The following PER2 variants were observed in gnomAD, a reference collection of about 807,000 sequenced individuals.
The protein encoded by PER2 is period circadian regulator 2, also known as period circadian protein homolog 2.
In PER2, 66 loss-of-function variants were observed where a neutral mutation model predicts 121.0. The ratio of observed to expected loss-of-function variants is 0.55; its 90% CI spans 0.45 to 0.67. The LOEUF (loss-of-function observed/expected upper bound fraction) is 0.67. Ranked by LOEUF, PER2 falls within the 30% of genes least tolerant of loss-of-function variation. PER2 has a pLI of 0.00. For missense variants in PER2, 1,521 were observed against 1,635.0 expected (o/e 0.93, Z 1.20); for synonymous variants, 684 against 659.9 (o/e 1.04, Z -0.56).
chr2:238,251,906 T>C, intron 19 of PER2, 145 bp from the exon 20 acceptor site: 1 of 740,344 alleles, frequency 1.4e-6, no homozygotes, highest in Non-Finnish European at 2.4e-6. Context: ...AGGGACGGCC[T>C]AACGAGCAGA....
rs906515017 is a variant in PER2, at chr2:238,252,222, A to T, written c.3112-461T>A. Among the ~76,000 whole-genome samples, 21 of 152,194 alleles carry T rather than the reference A, an allele frequency of 1.4e-4. No individual in the cohort carries two copies. The highest frequency in any genetic ancestry group is 4.8e-4 in the African/African-American group (20 of 41,450). ...ACTGCAGGCCCAGGACTCCAGAAGCAGGAGCCCGGAGGTGGCAGGAGGACT... is the reference window on the plus strand; with the variant it reads ...ACTGCAGGCCCAGGACTCCAGAAGCTGGAGCCCGGAGGTGGCAGGAGGACT... On this transcript the variant is annotated intron_variant, in intron 19 of 22. Coordinates refer to ENST00000254657, the MANE Select transcript of PER2 (RefSeq NM_022817.3). This position sits in a 1 kb window ranked among gnomAD's most constrained non-coding sequence, Gnocchi z 4.2.
Position 238,255,894 on chromosome 2 carries a change from C to T in PER2, c.2083G>A (p.Ala695Thr), listed in dbSNP as rs747316646. The stretch of plus-strand genomic sequence containing the variant: ...CAGTCCAGGGATTCTGGCCCACTCG[C>T]AGCATCTTCCACCATCTCTGTAACA... ...QPELEMVEDA[A>T]SGPESLDCLA... Residue 695 changes from alanine to threonine, a missense_variant, in exon 18 of 23, where the codon GCG becomes ACG. Physicochemically the swap from Ala to Thr is moderately conservative, Grantham distance 58. Transcript: ENST00000254657. The T allele has an allele frequency of 1.2e-6, 2 of 1,614,256 alleles. No homozygotes were observed. Among genetic ancestry groups the T allele is most frequent in the African/African-American group, 1.3e-5 (1 of 75,072 alleles).
intron 21 of PER2, among the ~76,000 whole-genome samples, chr2:238,250,157 C>T (rs1695559607): frequency 6.6e-6 from 1 of 152,268 alleles, no homozygotes; most frequent in Non-Finnish European, 1.5e-5. Flanking sequence ...TACCTTGACA[C>T]TTGGTTCCTT....
intron 6 of PER2, 59 bp from the exon 7 acceptor site, chr2:238,269,033 A>C: frequency 6.2e-6 from 8 of 1,284,798 alleles, no homozygotes; most frequent in East Asian, 2.3e-5. Context: ...AGTGTTCCTC[A>C]TTTCTCACAA....
chr2:238,255,660 G>A lies in PER2; in HGVS notation c.2317C>T (p.Arg773Ter), dbSNP rs758381889. 11 of 1,614,060 alleles carry A rather than the reference G, an allele frequency of 6.8e-6. No individual in the cohort carries two copies. Among genetic ancestry groups the A allele is most frequent in the East Asian group, 2.2e-5 (1 of 44,898 alleles). The change falls in exon 18 of 23, where the codon CGA becomes TGA. Residue 773 changes from arginine (R) to a stop codon, truncating the protein, a stop_gained. Transcript: ENST00000254657. LOFTEE classifies it high-confidence loss of function. ...TTTTAATTCGGGTATCACTTACTTC[G>A]TTCACTTGGCTGCCCCTTGGATCTT... ...QERSKGQPSERTAPGLRNTSG... is the reference protein window; with the variant it reads ...QERSKGQPSE
intron 18 of PER2, chr2:238,255,278 T>C (rs1695725900): frequency 8.9e-6 from 3 of 338,818 alleles, no homozygotes; most frequent in Non-Finnish European, 1.7e-5. Flanking sequence ...TCCTTCCTCA[T>C]GTGCCCAGCA....
intron 8 of PER2, among the ~76,000 whole-genome samples, chr2:238,266,366 C>T (rs974339783): frequency 3.3e-5 from 5 of 151,900 alleles, no homozygotes; most frequent in African/African-American, 7.3e-5. Context: ...AAGAGATCCT[C>T]CTACCTCAGC....
At position 238,275,820 on chromosome 2, in the gene PER2, G is replaced by T. The variant is rs1485612856; in HGVS notation, c.371C>A (p.Ala124Glu). 6.2e-7 allele frequency: 1 copy of T among 1,614,084 alleles called. No homozygotes were observed. Among genetic ancestry groups the T allele is most frequent in the South Asian group, 1.1e-5 (1 of 91,090 alleles). ...TLKELKVHLP[A>E]DKKAKGKAST... The stretch of plus-strand genomic sequence containing the variant: ...GGCCTTGCCCTTGGCCTTCTTGTCT[G>T]CAGGGAGGTGGACCTTCAGCTCCTT... The change falls in exon 4 of 23, where the codon GCA (alanine) becomes GAA (glutamate). Residue 124 changes from alanine to glutamate, a missense_variant. Coordinates refer to ENST00000254657, the MANE Select transcript of PER2 (RefSeq NM_022817.3).
At chr2:238,266,609 G>A (rs900793731) in intron 8 of PER2, among the ~76,000 whole-genome samples, 6 of 152,168 alleles carry the variant, frequency 3.9e-5, no homozygotes, top group Non-Finnish European at 7.4e-5. Flanking sequence ...GGTAATTTGG[G>A]GGAATAACTT....
At chr2:238,267,049 TAAA>T (rs57177821) in intron 8 of PER2, among the ~76,000 whole-genome samples, 3 of 104,550 alleles carry the variant, frequency 2.9e-5, no homozygotes. Flanking sequence ...CTCCATCTCT[TAAA>T]AAAAAAAAAA....
chr2:238,249,089 G>A lies in PER2; in HGVS notation c.3591C>T (p.Gly1197=), dbSNP rs751751976. The A allele has an allele frequency of 7.4e-6, 12 of 1,614,018 alleles. No homozygotes were observed. The highest frequency in any genetic ancestry group is 1.6e-4 in the Middle Eastern group (1 of 6,080). Residue 1197 remains glycine (G), a synonymous_variant, in exon 22 of 23, where the codon GGC becomes GGT. Transcript: ENST00000254657. ...CCACGTCGATGGCTGCGGGCAGGCC[G>A]CCCGTCTGCATCCACTGGTGGACCT... is the stretch of plus-strand genomic sequence containing the variant. The part of the protein sequence containing the change: ...LREVHQWMQT[G]GLPAAIDVAE...
At chr2:238,255,579 T>C in intron 18 of PER2, 78 bp downstream of exon 18, 1 of 1,434,088 alleles carries the variant, frequency 7.0e-7, no homozygotes, top group Non-Finnish European at 9.8e-7. Context: ...ACATTTCACA[T>C]TTTGAAACCA....
chr2:238,257,040 C>T lies in PER2; in HGVS notation c.1947G>A (p.Thr649=), dbSNP rs370871467. ...CCGGCAGTGCCAGCGAGGTCAGGTGCGTACCTACTCCCGTGCGGCTGTTCA... is the reference window on the plus strand; with the variant it reads ...CCGGCAGTGCCAGCGAGGTCAGGTGTGTACCTACTCCCGTGCGGCTGTTCA... ...SRVNSRTGVG[T]HLTSLALPGK... is the part of the protein sequence containing the mutation. The change falls in exon 17 of 23, where the codon ACG becomes ACA. Residue 649 remains threonine (T), a synonymous_variant. Transcript: ENST00000254657. 23 of 1,613,236 alleles carry T rather than the reference C, an allele frequency of 1.4e-5. No homozygotes were observed. The highest frequency in any genetic ancestry group is 1.7e-5 in the Admixed American group (1 of 59,992).
chr2:238,269,041 C>T, intron 6 of PER2, 67 bp from the exon 7 acceptor site: 1 of 1,235,834 alleles, frequency 8.1e-7, no homozygotes, highest in Non-Finnish European at 1.2e-6. Flanking sequence ...TCATTTCTCA[C>T]AAACAAAAGA....
intron 16 of PER2, 73 bp downstream of exon 16, chr2:238,258,203 A>T: frequency 6.6e-7 from 1 of 1,514,380 alleles, no homozygotes; most frequent in Non-Finnish European, 9.2e-7. Flanking sequence ...CACAGAAGCC[A>T]TGGGGACGTC....
intron 12 of PER2, among the ~76,000 whole-genome samples, chr2:238,261,251 A>C (rs1283804895): frequency 1.3e-5 from 2 of 152,254 alleles, no homozygotes; most frequent in African/African-American, 4.8e-5. Context: ...GGATGGGTTT[A>C]AAACAAACAA....
chr2:238,258,726 C>T, intron 14 of PER2, 82 bp from the exon 15 acceptor site: 1 of 1,401,844 alleles, frequency 7.1e-7, no homozygotes, highest in Non-Finnish European at 1.0e-6. Context: ...TTTCGTTCTA[C>T]CTGAAGACAG....
intron 19 of PER2, 141 bp from the exon 20 acceptor site, chr2:238,251,902 G>A (rs1271416349): frequency 2.5e-5 from 19 of 752,176 alleles, no homozygotes; most frequent in Non-Finnish European, 3.5e-5. Flanking sequence ...GGCCAGGGAC[G>A]GCCTAACGAG....
rs958744582 is a variant in PER2 at position 238,271,449 on chromosome 2, G to A, written c.635C>T (p.Ala212Val). Residue 212 changes from alanine (A) to valine (V), a missense_variant, in exon 6 of 23, where the codon GCA becomes GTA. Ala to Val is a moderately conservative substitution (Grantham distance 64, BLOSUM62 0). Transcript: ENST00000254657. ...GKILYISDQV[A>V]SIFHCKRDAF... ...ATCTCTTTTACAGTGAAATATGGAT[G>A]CAACCTGGTCAGAGATGTACAGGAT... 6 of 1,613,844 alleles carry A rather than the reference G, an allele frequency of 3.7e-6. No homozygotes were observed. The African/African-American group carries it at 6.7e-5, about 18-fold the overall frequency.
Sources: gnomAD v4.1 joint callset for allele counts (sites outside exome capture counted in the v4.1 genomes callset) on GRCh38, gnomAD v4.1.1 for gene constraint, Gnocchi (gnomAD v3.1) non-coding constraint, MANE v1.5 for transcripts, NCBI Gene and HGNC (gene_info 2026-07-23, HGNC 2026-07-21) for gene names.